Variants in OAS1 observed in about 807,000 individuals in gnomAD.
OAS1 encodes 2'-5'-oligoadenylate synthase 1.
Under a neutral mutation model 38.5 loss-of-function variants are expected in OAS1, and 24 were observed. That is an observed-to-expected ratio of 0.62 (90% CI 0.45 to 0.88). OAS1 has a LOEUF of 0.88. Ranked by LOEUF, OAS1 falls within the 40% of genes least tolerant of loss-of-function variation. The pLI, the probability that OAS1 is intolerant of heterozygous loss-of-function variation, is 0.00. For synonymous variants in OAS1, 169 were observed against 193.9 expected, an observed-to-expected ratio of 0.87 and a Z score of 1.07; for missense variants, 482 against 493.9, an observed-to-expected ratio of 0.98 and a Z score of 0.23.
chr12:112,924,274 A>G (rs2136331286), downstream of OAS1, among the ~76,000 whole-genome samples: 1 of 152,254 alleles, frequency 6.6e-6, no homozygotes, highest in East Asian at 1.9e-4. Flanking sequence ...ACCTTGTCTT[A>G]ATTACTATAA....
intron 3 of OAS1, among the ~76,000 whole-genome samples, chr12:112,916,130 A>G (rs2043450799): frequency 6.6e-6 from 1 of 152,230 alleles, no homozygotes; most frequent in African/African-American, 2.4e-5. Flanking sequence ...ACAACCACTC[A>G]CTTAGCAGAT....
chr12:112,915,367 G>A (rs1302662894), intron 3 of OAS1, among the ~76,000 whole-genome samples: 1 of 152,100 alleles, frequency 6.6e-6, no homozygotes, highest in Non-Finnish European at 1.5e-5. Flanking sequence ...ACCATTTGTT[G>A]AATAGGGTGT....
chr12:112,911,253 G>T lies in OAS1; in HGVS notation c.654+18G>T. ...ACCAAAATGTATGGCCCTCCCACCA[G>T]GCCTGGTGGGTCCTGTCTCGACTGG... On this transcript the variant is annotated intron_variant, in intron 3 of 5. Transcript: ENST00000202917. 1 of 1,602,036 alleles carries T rather than the reference G, an allele frequency of 6.2e-7. No homozygotes were observed.
rs752971398 is a variant in OAS1 at position 112,917,699 on chromosome 12, T to C, written c.1037T>C (p.Leu346Pro). The change falls in exon 5 of 6, where the codon CTG becomes CCG. Residue 346 changes from leucine to proline, a missense_variant and splice_region_variant. Leu to Pro is a moderately conservative substitution (Grantham distance 98, BLOSUM62 -3). Coordinates refer to ENST00000202917, the MANE Select transcript of OAS1 (RefSeq NM_016816.4). ...TCCCCAGTGAGCTCCTGGATTCTGC[T>C]GGTGAGACCTCCTGCTTCCTCCCTG... ...DGSPVSSWIL[L>P]AESNSADDET... The C allele has an allele frequency of 8.7e-6, 14 of 1,614,104 alleles. No individual in the cohort carries two copies. Among genetic ancestry groups the C allele is most frequent in the Non-Finnish European group, 1.1e-5 (13 of 1,180,046 alleles).
chr12:112,925,059 C>T lies in OAS1; in HGVS notation c.1167+5444C>T. Among the ~76,000 whole-genome samples, 2 of 152,084 alleles carry T rather than the reference C, an allele frequency of 1.3e-5. 1 individual carries two copies. The highest frequency in any genetic ancestry group is 4.2e-4 in the South Asian group (2 of 4,818). On this transcript the variant is annotated intron_variant, in intron 6 of 6. Transcript: ENST00000540589. ...GCTCCTCCCTGCCGAGAAAACAAAA[C>T]TAAAAAGAGTTAATGTTTAGCCAAC...
intron 3 of OAS1, 57 bp downstream of exon 3, chr12:112,911,292 G>T (rs2043378611): frequency 2.1e-6 from 3 of 1,396,902 alleles, no homozygotes; most frequent in African/African-American, 1.4e-5. Context: ...CAGAGGAGGG[G>T]TGGGGGGAGG....
At chr12:112,914,255 T>A (rs966587216) in intron 3 of OAS1, among the ~76,000 whole-genome samples, 1 of 152,236 alleles carries the variant, frequency 6.6e-6, no homozygotes, top group Non-Finnish European at 1.5e-5. Flanking sequence ...TTGCTGTGAA[T>A]GCCATTATTT....
intron 3 of OAS1, among the ~76,000 whole-genome samples, chr12:112,912,878 T>G (rs2043406147): frequency 6.6e-6 from 1 of 152,244 alleles, no homozygotes; most frequent in Non-Finnish European, 1.5e-5. Context: ...GCTACATTTC[T>G]TGTATATTTC....
At chr12:112,912,702 G>A (rs1385397688) in intron 3 of OAS1, among the ~76,000 whole-genome samples, 1 of 152,188 alleles carries the variant, frequency 6.6e-6, no homozygotes, top group African/African-American at 2.4e-5. Flanking sequence ...TATATTTAGT[G>A]GAAAGAAGAC....
chr12:112,911,362 G>A, intron 3 of OAS1, 127 bp downstream of exon 3: 1 of 699,166 alleles, frequency 1.4e-6, no homozygotes, highest in Non-Finnish European at 2.2e-6. Context: ...TAGAGGGATG[G>A]AAAAAGGAGA....
At chr12:112,917,480 G>T in intron 4 of OAS1, 67 bp from the exon 5 acceptor site, 1 of 1,598,214 alleles carries the variant, frequency 6.3e-7, no homozygotes, top group South Asian at 1.1e-5. Flanking sequence ...GCTCTCCCAG[G>T]AGCATCTGGA....
In OAS1 at chr12:112,919,682, C is replaced by CT. The variant is rs1366147308; in HGVS notation, c.*129_*130insT. On this transcript the variant is annotated 3_prime_UTR_variant, in exon 6 of 6. Coordinates refer to ENST00000202917, the MANE Select transcript of OAS1 (RefSeq NM_016816.4). Reference sequence around the variant, plus strand: ...CTGGTGTATAATCCAGGACAGAACCCAGGTCTCCTGACTCCTGGCCTTCTA... The same window carrying CT: ...CTGGTGTATAATCCAGGACAGAACCCTAGGTCTCCTGACTCCTGGCCTTCTA... 1 of 1,559,884 alleles carries CT rather than the reference C, an allele frequency of 6.4e-7. No homozygotes were observed. Among genetic ancestry groups the CT allele is most frequent in the Non-Finnish European group, 8.7e-7 (1 of 1,150,258 alleles).
downstream of OAS1, among the ~76,000 whole-genome samples, chr12:112,922,715 T>A (rs2043537979): frequency 6.6e-6 from 1 of 152,204 alleles, no homozygotes; most frequent in Non-Finnish European, 1.5e-5. Context: ...ATAGTAAACA[T>A]ATCCACTCCT....
chr12:112,913,605 A>G (rs909600088), intron 3 of OAS1, among the ~76,000 whole-genome samples: 4 of 151,752 alleles, frequency 2.6e-5, no homozygotes, highest in African/African-American at 9.7e-5. Context: ...CAATTAACTA[A>G]TTTTCTCTTT....
intron 3 of OAS1, among the ~76,000 whole-genome samples, chr12:112,915,252 G>A (rs2043440179): frequency 6.6e-6 from 1 of 152,134 alleles, no homozygotes; most frequent in South Asian, 2.1e-4. Context: ...ATGGTTTCAG[G>A]TCTTAGATTT....
At chr12:112,908,418 A>G in intron 1 of OAS1, 118 bp from the exon 2 acceptor site, 1 of 913,706 alleles carries the variant, frequency 1.1e-6, no homozygotes, top group South Asian at 1.8e-5. Context: ...AGTTTAAGAC[A>G]TGCAATGCCT....
chr12:112,929,939 T>C (rs2043587193), intron 6 of OAS1, among the ~76,000 whole-genome samples: 1 of 152,238 alleles, frequency 6.6e-6, no homozygotes, highest in South Asian at 2.1e-4. Context: ...TGATATAGTT[T>C]GAATGTATGT....
At position 112,908,827 on chromosome 12, in the gene OAS1, G is replaced by A; in HGVS notation, c.469+3G>A. On this transcript the variant is annotated splice_donor_region_variant and intron_variant, in intron 2 of 5. Coordinates refer to ENST00000202917, the MANE Select transcript of OAS1 (RefSeq NM_016816.4). ...GCTGCCTGCCTTTGATGCCCTGGGT[G>A]AGAGCTCCCAGCTTCTTTTTCTCCC... 1 of 1,571,374 alleles carries A rather than the reference G, an allele frequency of 6.4e-7. No homozygotes were observed. The highest frequency in any genetic ancestry group is 8.6e-7 in the Non-Finnish European group (1 of 1,159,548).
In OAS1 at chr12:112,911,130, G is replaced by C. The variant is rs150957093; in HGVS notation, c.549G>C (p.Glu183Asp). 6.1e-5 allele frequency: 99 copies of C among 1,613,914 alleles called. 1 individual carries two copies. In the South Asian group the frequency reaches 7.1e-4, roughly 12 times the overall value. ...AGGAGTGCACCGACCTGCAGAAAGAGGGCGAGTTCTCCACCTGCTTCACAG... is the reference window on the plus strand; with the variant it reads ...AGGAGTGCACCGACCTGCAGAAAGACGGCGAGTTCTCCACCTGCTTCACAG... ...LIEECTDLQK[E>D]GEFSTCFTEL... Residue 183 changes from glutamate (E) to aspartate (D), a missense_variant, in exon 3 of 6, where the codon GAG (glutamate) becomes GAC (aspartate). Physicochemically the swap from Glu to Asp is conservative, Grantham distance 45 (BLOSUM62 2). Coordinates refer to ENST00000202917, the MANE Select transcript of OAS1 (RefSeq NM_016816.4).
Sources: gnomAD v4.1 joint callset for allele counts (sites outside exome capture counted in the v4.1 genomes callset) on GRCh38, gnomAD v4.1.1 for gene constraint, MANE v1.5 for transcripts, NCBI Gene and HGNC (gene_info 2026-07-23, HGNC 2026-07-21) for gene names.